LPP: variants seen among roughly 807,000 people sequenced by gnomAD.
The protein encoded by LPP is LIM domain containing preferred translocation partner in lipoma, also known as lipoma-preferred partner.
LPP carries 38 observed loss-of-function variants against 60.4 expected under a neutral mutation model. The observed-to-expected ratio is 0.63, with a 90% confidence interval of 0.49 to 0.83. LPP has a LOEUF of 0.83. Ranked by LOEUF, LPP falls within the 40% of genes least tolerant of loss-of-function variation. LPP has a pLI of 0.00. For synonymous variants in LPP, 328 were observed against 290.8 expected, an observed-to-expected ratio of 1.13 and a Z score of -1.30; for missense variants, 902 against 783.6, an observed-to-expected ratio of 1.15 and a Z score of -1.80.
At chr3:188,179,135 T>C (rs1313841276) in intron 1 of LPP, 1 of 387,174 alleles carries the variant, frequency 2.6e-6, no homozygotes, top group African/African-American at 2.1e-5. Context: ...AGCATTGATA[T>C]GGGGTCTACA....
At chr3:188,654,778 TACAAG>T (rs2149019117) in intron 7 of LPP, among the ~76,000 whole-genome samples, 1 of 152,322 alleles carries the variant, frequency 6.6e-6, no homozygotes, top group Admixed American at 6.5e-5. Context: ...CATCTGCAAG[TACAAG>T]AATCCTTTCA....
intron 2 of LPP, among the ~76,000 whole-genome samples, chr3:188,278,863 C>T (rs990285127): frequency 3.9e-5 from 6 of 152,160 alleles, no homozygotes; most frequent in Non-Finnish European, 5.9e-5. Flanking sequence ...GAAAGCATCA[C>T]GCTCTCCAGG....
intron 1 of LPP, among the ~76,000 whole-genome samples, chr3:188,185,850 G>A (rs1473159414): frequency 6.6e-6 from 1 of 151,778 alleles, no homozygotes; most frequent in African/African-American, 2.4e-5. Flanking sequence ...TCAAAGTTCT[G>A]ATTCATGTCT....
intron 7 of LPP, among the ~76,000 whole-genome samples, chr3:188,644,696 A>T (rs1850788473): frequency 1.3e-5 from 2 of 152,172 alleles, no homozygotes; most frequent in South Asian, 4.1e-4. Context: ...GGAAGCCAAA[A>T]TTTTTTATCA....
chr3:188,536,791 C>A (rs1467343856), intron 6 of LPP, among the ~76,000 whole-genome samples: 3 of 152,016 alleles, frequency 2.0e-5, no homozygotes, highest in African/African-American at 7.3e-5. Flanking sequence ...ATATATGAAC[C>A]CATAAAGTAA....
At chr3:188,680,843 G>A (rs150253146) in intron 7 of LPP, among the ~76,000 whole-genome samples, 18 of 152,192 alleles carry the variant, frequency 1.2e-4, no homozygotes, top group Middle Eastern at 3.4e-3. Flanking sequence ...ATTATGAAAC[G>A]CAAGTTTTAT....
chr3:188,535,646 G>T (rs1355924820), intron 6 of LPP, among the ~76,000 whole-genome samples: 1 of 152,062 alleles, frequency 6.6e-6, no homozygotes, highest in Non-Finnish European at 1.5e-5. Flanking sequence ...CAACCTAATG[G>T]TAACCAATGT....
At chr3:188,406,632 G>C (rs1474889541) in intron 4 of LPP, among the ~76,000 whole-genome samples, 1 of 152,168 alleles carries the variant, frequency 6.6e-6, no homozygotes, top group African/African-American at 2.4e-5. Flanking sequence ...TTCTCTTGTA[G>C]GGTTTTAGCT....
intron 5 of LPP, among the ~76,000 whole-genome samples, chr3:188,505,931 T>A (rs767015285): frequency 5.3e-5 from 8 of 152,214 alleles, no homozygotes; most frequent in Non-Finnish European, 1.0e-4. Flanking sequence ...ATGACCTACC[T>A]CATCCTATGT....
chr3:188,754,022 T>G (rs1729258524), intron 8 of LPP, among the ~76,000 whole-genome samples: 2 of 152,214 alleles, frequency 1.3e-5, no homozygotes, highest in East Asian at 1.9e-4. Flanking sequence ...TATTGCTACA[T>G]TATGTAAAGA....
At chr3:188,280,978 AG>A (rs1741809910) in intron 2 of LPP, among the ~76,000 whole-genome samples, 1 of 148,772 alleles carries the variant, frequency 6.7e-6, no homozygotes, top group African/African-American at 2.5e-5. Context: ...TGTGTTGCCC[AG>A]GCTGGAGTGC....
intron 1 of LPP, among the ~76,000 whole-genome samples, chr3:188,199,035 G>C (rs1480243715): frequency 6.6e-6 from 1 of 152,184 alleles, no homozygotes; most frequent in Non-Finnish European, 1.5e-5. Context: ...TGGGATCTCA[G>C]CTGGAAGACT....
At chr3:188,379,667 T>C (rs917320304) in intron 3 of LPP, among the ~76,000 whole-genome samples, 3 of 152,190 alleles carry the variant, frequency 2.0e-5, no homozygotes, top group Non-Finnish European at 4.4e-5. Flanking sequence ...TGTCCATACA[T>C]TTATATAAAC....
At chr3:188,653,434 C>A (rs953519566) in intron 7 of LPP, among the ~76,000 whole-genome samples, 6 of 151,712 alleles carry the variant, frequency 4.0e-5, no homozygotes, top group Non-Finnish European at 7.4e-5. Flanking sequence ...TTTGGATTAG[C>A]CTGTGAACAT....
chr3:188,839,859 A>G lies in LPP; in HGVS notation c.1411-26341A>G, dbSNP rs191773242. ...CTCCACTGCACTCCAGCCTGGCGAC[A>G]GAGTGAGACTCCGTCTCAAAAATAA... On this transcript the variant is annotated intron_variant, in intron 9 of 11. Transcript: ENST00000617246. 5.9e-5 allele frequency among the ~76,000 whole-genome samples: 9 copies of G among 152,346 alleles called. No homozygotes were observed. In the East Asian group the frequency reaches 1.7e-3, roughly 29 times the overall value.
chr3:188,524,569 A>T (rs1004097490), intron 5 of LPP, 96 bp from the exon 6 acceptor site: 1 of 1,335,384 alleles, frequency 7.5e-7, no homozygotes, highest in African/African-American at 1.5e-5. Flanking sequence ...GTGCAGAAAA[A>T]CTTGGACAAA....
In LPP at chr3:188,841,494, C is replaced by T. The variant is rs1002604643; in HGVS notation, c.1411-24706C>T. Among the ~76,000 whole-genome samples, 6 of 146,660 alleles carry T rather than the reference C, an allele frequency of 4.1e-5. No homozygotes were observed. The East Asian group carries it at 1.1e-3, about 27-fold the overall frequency. On this transcript the variant is annotated intron_variant, in intron 9 of 11. Coordinates refer to ENST00000617246, the MANE Select transcript of LPP (RefSeq NM_001375462.1). ...GCAACCTCTGCCTCCCAGGTTCAAG[C>T]GATTCTCCTGCCTCAGCTTCCCAAG...
At chr3:188,649,217 T>A (rs1343818443) in intron 7 of LPP, among the ~76,000 whole-genome samples, 1 of 152,246 alleles carries the variant, frequency 6.6e-6, no homozygotes, top group Non-Finnish European at 1.5e-5. Context: ...ACATTTAAAA[T>A]AGCTTTAAGT....
intron 6 of LPP, among the ~76,000 whole-genome samples, chr3:188,550,535 G>C (rs1019036349): frequency 8.0e-6 from 1 of 125,148 alleles, no homozygotes; most frequent in Admixed American, 1.0e-4. Context: ...CCGAGATCAC[G>C]CCACTGCACT....
Sources: gnomAD v4.1 joint callset for allele counts (sites outside exome capture counted in the v4.1 genomes callset) on GRCh38, gnomAD v4.1.1 for gene constraint, MANE v1.5 for transcripts, NCBI Gene and HGNC (gene_info 2026-07-23, HGNC 2026-07-21) for gene names.